Variants in CNTNAP2 observed in about 807,000 individuals in gnomAD.
The protein encoded by CNTNAP2 is contactin-associated protein-like 2.
Under a neutral mutation model 155.2 loss-of-function variants are expected in CNTNAP2, and 98 were observed. The observed-to-expected ratio is 0.63, with a 90% CI of 0.54 to 0.75. CNTNAP2 has a LOEUF of 0.75. Ranked by LOEUF, CNTNAP2 falls within the 30% of genes least tolerant of loss-of-function variation. CNTNAP2 has a pLI of 0.00. For missense variants in CNTNAP2, 1,727 were observed against 1,688.1 expected (o/e 1.02, Z -0.40); for synonymous variants, 651 against 631.2 (o/e 1.03, Z -0.47).
At chr7:147,461,868 G>A (rs1798031903) in intron 10 of CNTNAP2, among the ~76,000 whole-genome samples, 1 of 152,130 alleles carries the variant, frequency 6.6e-6, no homozygotes, top group African/African-American at 2.4e-5. Flanking sequence ...GAAAATAGCA[G>A]CATTTAAGTG....
intron 13 of CNTNAP2, among the ~76,000 whole-genome samples, chr7:147,837,852 G>T (rs543745323): frequency 6.6e-6 from 1 of 152,316 alleles, no homozygotes; most frequent in Non-Finnish European, 1.5e-5. Flanking sequence ...GCCTTGGGCA[G>T]CTCTGTCCCT....
In CNTNAP2 at chr7:148,073,049, C is replaced by T. The variant is rs535266767; in HGVS notation, c.2384-45069C>T. On this transcript the variant is annotated intron_variant, in intron 15 of 23. Transcript: ENST00000361727. The stretch of plus-strand genomic sequence containing the variant: ...AGATGTGTCATATCATCTCTGGCCT[C>T]TGCCTACTAAATGCCATTAACACCC... 2.6e-5 allele frequency among the ~76,000 whole-genome samples: 4 copies of T among 152,270 alleles called. No individual in the cohort carries two copies. In the East Asian group the frequency reaches 7.7e-4, roughly 29 times the overall value.
At chr7:147,230,285 GTC>G (rs1803649049) in intron 8 of CNTNAP2, among the ~76,000 whole-genome samples, 1 of 151,940 alleles carries the variant, frequency 6.6e-6, no homozygotes, top group African/African-American at 2.4e-5. Flanking sequence ...TTGAGACAGA[GTC>G]TCTCTCTGTC....
At chr7:147,859,435 AAAAAAC>A (rs964205684) in intron 13 of CNTNAP2, among the ~76,000 whole-genome samples, 27 of 151,084 alleles carry the variant, frequency 1.8e-4, no homozygotes, top group African/African-American at 2.4e-4. Flanking sequence ...AAAAAAAAAA[AAAAAAC>A]ATGTCATATT....
chr7:146,932,322 C>A (rs1297102599), intron 3 of CNTNAP2, among the ~76,000 whole-genome samples: 3 of 151,122 alleles, frequency 2.0e-5, no homozygotes, highest in Non-Finnish European at 1.5e-5. Context: ...ATAAACAGAA[C>A]CAAAGACAAA....
intron 1 of CNTNAP2, among the ~76,000 whole-genome samples, chr7:146,267,621 C>A (rs192544988): frequency 6.6e-6 from 1 of 152,118 alleles, no homozygotes; most frequent in Non-Finnish European, 1.5e-5. Flanking sequence ...CTTTTCACCA[C>A]GTGAGGACAC....
intron 22 of CNTNAP2, among the ~76,000 whole-genome samples, chr7:148,387,417 C>T (rs146210454): frequency 2.0e-4 from 31 of 152,114 alleles, no homozygotes; most frequent in African/African-American, 6.5e-4. Context: ...CTGTAAATAA[C>T]GTGAGGTACT....
At chr7:146,575,264 G>C (rs1448818503) in intron 1 of CNTNAP2, among the ~76,000 whole-genome samples, 1 of 151,982 alleles carries the variant, frequency 6.6e-6, no homozygotes, top group Non-Finnish European at 1.5e-5. Context: ...TTACAGGCGT[G>C]CACCACCACG....
intron 13 of CNTNAP2, among the ~76,000 whole-genome samples, chr7:147,775,881 A>G (rs1407675956): frequency 6.6e-6 from 1 of 152,142 alleles, no homozygotes; most frequent in Non-Finnish European, 1.5e-5. Flanking sequence ...TTGGGAAGTG[A>G]TGACTTAGGG....
In CNTNAP2 at chr7:147,302,284, C is replaced by G. The variant is rs527734575; in HGVS notation, c.1498+1994C>G. Among the ~76,000 whole-genome samples the G allele has an allele frequency of 3.3e-5, 5 of 152,288 alleles. No individual in the cohort carries two copies. The East Asian group carries it at 9.7e-4, about 29-fold the overall frequency. The stretch of plus-strand genomic sequence containing the variant: ...GAATATTTTTGGCCATACATGAGCT[C>G]CCTGAATGCCTAAGGCCAGTTTTTA... On this transcript the variant is annotated intron_variant, in intron 9 of 23. Transcript: ENST00000361727.
At chr7:147,799,017 C>T (rs1305881562) in intron 13 of CNTNAP2, among the ~76,000 whole-genome samples, 1 of 152,168 alleles carries the variant, frequency 6.6e-6, no homozygotes, top group Non-Finnish European at 1.5e-5. Context: ...CACCTGCCTA[C>T]ACATGCAAAA....
intron 13 of CNTNAP2, among the ~76,000 whole-genome samples, chr7:147,766,768 G>T (rs1797389669): frequency 6.6e-6 from 1 of 152,116 alleles, no homozygotes; most frequent in South Asian, 2.1e-4. Context: ...TACACATAAA[G>T]TTTGGTAGAT....
intron 3 of CNTNAP2, among the ~76,000 whole-genome samples, chr7:146,902,837 T>C (rs1198040868): frequency 3.3e-5 from 5 of 152,186 alleles, no homozygotes; most frequent in African/African-American, 1.2e-4. Context: ...AATCTCTGTT[T>C]CCCGAGATGG....
rs80245498 is a variant in CNTNAP2 at position 146,342,470 on chromosome 7, G to A, written c.97+225497G>A. On this transcript the variant is annotated intron_variant, in intron 1 of 23. Transcript: ENST00000361727. ...CTAAACCTAAAAGTGATTTAGACAA[G>A]TTAAATTCCAAATGTGAAGTAATTA... Among the ~76,000 whole-genome samples the A allele has an allele frequency of 7.9e-3, 1,200 of 152,206 alleles. 5 individuals carry two copies. Among genetic ancestry groups the A allele is most frequent in the Non-Finnish European group, 0.013 (874 of 67,988 alleles).
chr7:146,384,472 G>A (rs892533188), intron 1 of CNTNAP2, among the ~76,000 whole-genome samples: 1 of 152,136 alleles, frequency 6.6e-6, no homozygotes, highest in Non-Finnish European at 1.5e-5. Context: ...TAATAGAATT[G>A]TATGTTATAA....
intron 15 of CNTNAP2, among the ~76,000 whole-genome samples, chr7:147,987,185 A>T (rs1801633585): frequency 6.6e-6 from 1 of 152,182 alleles, no homozygotes; most frequent in Non-Finnish European, 1.5e-5. Context: ...CAAATGCTGT[A>T]GCTTTTACAA....
chr7:147,165,798 T>C (rs1237687797), intron 8 of CNTNAP2, among the ~76,000 whole-genome samples: 1 of 152,204 alleles, frequency 6.6e-6, no homozygotes, highest in Non-Finnish European at 1.5e-5. Context: ...TTGGGTTTAT[T>C]TCTGAGTTCT....
intron 14 of CNTNAP2, among the ~76,000 whole-genome samples, chr7:147,935,676 A>G (rs1800595110): frequency 6.6e-6 from 1 of 152,166 alleles, no homozygotes. Context: ...TATCTAGTAA[A>G]TTTTTTAATG....
rs886260246 is a variant in CNTNAP2 at position 146,669,108 on chromosome 7, C to T, written c.98-105163C>T. Among the ~76,000 whole-genome samples the T allele has an allele frequency of 6.8e-4, 103 of 152,100 alleles. 1 individual carries two copies. The Middle Eastern group carries it at 0.017, about 25-fold the overall frequency. ...GAATGATTCAGGAAAACTTAAGAAA[C>T]GTAAGGGTTAATTATGCCACTAATT... On this transcript the variant is annotated intron_variant, in intron 1 of 23. Transcript: ENST00000361727.
Sources: allele counts gnomAD v4.1 joint callset (sites outside exome capture counted in the v4.1 genomes callset), GRCh38; gene constraint gnomAD v4.1.1; transcripts MANE v1.5; gene names NCBI Gene and HGNC (gene_info 2026-07-23, HGNC 2026-07-21).